Variants in PYY observed in about 807,000 individuals in gnomAD.
The protein encoded by PYY is peptide YY, also known as peptide tyrosine tyrosine.
In PYY, 12 loss-of-function variants were observed where a neutral mutation model predicts 10.3. The ratio of observed to expected loss-of-function variants is 1.17; its 90% CI spans 0.75 to 1.89. The LOEUF is 1.89. Among genes scored for constraint, PYY ranks in the 40% most tolerant of loss-of-function variants. The pLI, the probability that PYY is intolerant of heterozygous loss-of-function variation, is 0.00. For missense variants in PYY, 141 were observed against 134.0 expected (o/e 1.05, Z -0.26); for synonymous variants, 66 against 62.0 (o/e 1.06, Z -0.30).
intron 1 of PYY, among the ~76,000 whole-genome samples, chr17:43,991,476 G>A (rs563513115): frequency 1.1e-4 from 16 of 152,256 alleles, no homozygotes; most frequent in African/African-American, 3.9e-4. Context: ...AGAAATAAGG[G>A]TAGTAAGTCT....
chr17:43,972,652 C>T (rs1485128091), intron 1 of PYY, among the ~76,000 whole-genome samples: 2 of 152,080 alleles, frequency 1.3e-5, no homozygotes, highest in Non-Finnish European at 2.9e-5. Flanking sequence ...CCTCAGCCTT[C>T]CTAGTTGCTA....
upstream of PYY, among the ~76,000 whole-genome samples, chr17:43,957,464 C>T (rs1228021781): frequency 6.6e-6 from 1 of 152,096 alleles, no homozygotes; most frequent in African/African-American, 2.4e-5. Context: ...TCAAGACCAG[C>T]CTGGTCAACA....
intron 2 of PYY, among the ~76,000 whole-genome samples, chr17:43,960,445 G>A (rs1357136989): frequency 7.0e-6 from 1 of 143,162 alleles, no homozygotes; most frequent in East Asian, 2.1e-4. Context: ...CAGGTGGGCC[G>A]AGGCAGGAGA....
At chr17:43,973,899 G>A (rs939336717) in intron 1 of PYY, among the ~76,000 whole-genome samples, 7 of 152,124 alleles carry the variant, frequency 4.6e-5, no homozygotes, top group Non-Finnish European at 7.3e-5. Context: ...TTCGTGCCTG[G>A]ACCTCATGCC....
chr17:43,977,973 G>T (rs1438139832), intron 1 of PYY, among the ~76,000 whole-genome samples: 1 of 152,088 alleles, frequency 6.6e-6, no homozygotes, highest in Non-Finnish European at 1.5e-5. Context: ...GCTGAGGCAG[G>T]CGGATTGCTT....
chr17:43,968,967 G>GC (rs2048771733), intron 1 of PYY, among the ~76,000 whole-genome samples: 1 of 151,466 alleles, frequency 6.6e-6, no homozygotes. Flanking sequence ...AATTAGCCAG[G>GC]CATGGGGGCA....
intron 1 of PYY, among the ~76,000 whole-genome samples, chr17:43,997,773 C>T (rs2143965668): frequency 6.6e-6 from 1 of 152,188 alleles, no homozygotes; most frequent in Non-Finnish European, 1.5e-5. Flanking sequence ...ATCCCCCGCC[C>T]GCGTTCCTTT....
At chr17:43,966,985 C>T (rs2048759407) in intron 1 of PYY, among the ~76,000 whole-genome samples, 2 of 152,144 alleles carry the variant, frequency 1.3e-5, no homozygotes, top group African/African-American at 4.8e-5. Context: ...TCCTATCCCA[C>T]CACAGTCCAG....
At chr17:43,995,509 T>C (rs1275322825) in intron 1 of PYY, among the ~76,000 whole-genome samples, 1 of 151,932 alleles carries the variant, frequency 6.6e-6, no homozygotes, top group African/African-American at 2.4e-5. Context: ...CACATGCCCT[T>C]CCACAAGGAG....
At chr17:43,968,007 G>A (rs531699158) in intron 1 of PYY, among the ~76,000 whole-genome samples, 2 of 152,258 alleles carry the variant, frequency 1.3e-5, no homozygotes, top group East Asian at 1.9e-4. Context: ...CCCCAGCCCC[G>A]AGACAATTCC....
chr17:43,970,447 C>T (rs1031943129), intron 1 of PYY, among the ~76,000 whole-genome samples: 2 of 151,344 alleles, frequency 1.3e-5, no homozygotes, highest in African/African-American at 4.9e-5. Flanking sequence ...GCAGAGGTTG[C>T]AGTGAGCTGA....
rs577954967 is a variant in PYY at position 43,952,802 on chromosome 17, G to C, written c.*154C>G. On this transcript the variant is annotated 3_prime_UTR_variant, in exon 4 of 4. Coordinates refer to ENST00000692052, the MANE Select transcript of PYY (RefSeq NM_001394028.1). The stretch of plus-strand genomic sequence containing the variant: ...GACCACACACAGCCCTCCAGCCCAG[G>C]GGGCGGGGGCACCGAGACGCGGGCG... 69 of 768,794 alleles carry C rather than the reference G, an allele frequency of 9.0e-5. No individual in the cohort carries two copies. In the East Asian group the frequency reaches 1.8e-3, roughly 20 times the overall value. The allele number at this position is 768,794 out of a possible 1,614,324, so 47.6% of individuals were successfully genotyped here. A position where few individuals can be genotyped will look rare whatever the true frequency, so the allele number is the denominator to read the frequency against.
chr17:43,960,132 A>AT (rs2048701309), intron 2 of PYY, among the ~76,000 whole-genome samples: 1 of 152,242 alleles, frequency 6.6e-6, no homozygotes. Flanking sequence ...ATAGATGTTT[A>AT]TTTCTCTCTT....
intron 1 of PYY, among the ~76,000 whole-genome samples, chr17:43,968,376 G>T (rs1275746006): frequency 6.6e-6 from 1 of 151,918 alleles, no homozygotes; most frequent in Non-Finnish European, 1.5e-5. Context: ...ATCTCTTCCA[G>T]AAAATAGAAC....
Position 43,999,595 on chromosome 17 carries a change from T to C in PYY, c.-463+4796A>G, listed in dbSNP as rs182355974. Reference sequence around the variant, plus strand: ...CAGTCTGGCTAAAATGGTGAAACCCTGTTTCTACTAAAAATACAAAAAATC... The same window carrying C: ...CAGTCTGGCTAAAATGGTGAAACCCCGTTTCTACTAAAAATACAAAAAATC... On this transcript the variant is annotated intron_variant, in intron 1 of 6. Transcript: ENST00000360085. Among the ~76,000 whole-genome samples, 20 of 151,972 alleles carry C rather than the reference T, an allele frequency of 1.3e-4. No homozygotes were observed. The East Asian group carries it at 3.9e-3, about 29-fold the overall frequency.
In PYY at chr17:43,973,548, C is replaced by T. The variant is rs372237626; in HGVS notation, c.-462-7016G>A. On this transcript the variant is annotated intron_variant, in intron 1 of 6. Transcript: ENST00000360085. The stretch of plus-strand genomic sequence containing the variant: ...GTTGCTCACGTCTGTAATCCCAGCA[C>T]TTTGGGAGGCCAAGGTGGGTGGATC... 3.3e-5 allele frequency among the ~76,000 whole-genome samples: 5 copies of T among 152,326 alleles called. 1 individual carries two copies. Among genetic ancestry groups the T allele is most frequent in the South Asian group, 4.1e-4 (2 of 4,832 alleles).
chr17:43,966,031 C>A (rs1597847150), intron 2 of PYY, among the ~76,000 whole-genome samples: 1 of 152,192 alleles, frequency 6.6e-6, no homozygotes. Flanking sequence ...ATTTGCTCCT[C>A]TGCCGAGTTC....
At chr17:43,982,363 T>C (rs1287166093) in intron 1 of PYY, among the ~76,000 whole-genome samples, 60 of 152,242 alleles carry the variant, frequency 3.9e-4, no homozygotes, top group Admixed American at 3.9e-3. Flanking sequence ...TCCTCATGCA[T>C]GGCCCTGAAT....
intron 1 of PYY, among the ~76,000 whole-genome samples, chr17:43,982,624 G>C (rs1391991892): frequency 6.6e-6 from 1 of 152,248 alleles, no homozygotes. Context: ...AGCAGGTTAA[G>C]GCACGTGGAA....
Sources: allele counts gnomAD v4.1 joint callset (sites outside exome capture counted in the v4.1 genomes callset), GRCh38; gene constraint gnomAD v4.1.1; transcripts MANE v1.5; gene names NCBI Gene and HGNC (gene_info 2026-07-23, HGNC 2026-07-21).